Variants in PRKCI observed in about 807,000 individuals in gnomAD.
PRKCI encodes protein kinase C iota type.
Under a neutral mutation model 84.0 loss-of-function variants are expected in PRKCI, and 43 were observed. The ratio of observed to expected loss-of-function variants is 0.51; its 90% CI spans 0.40 to 0.66. PRKCI has a LOEUF of 0.66. Ranked by LOEUF, PRKCI falls within the 30% of genes least tolerant of loss-of-function variation. PRKCI has a pLI of 0.00. For synonymous variants in PRKCI, 216 were observed against 234.4 expected, an observed-to-expected ratio of 0.92 and a Z score of 0.72; for missense variants, 459 against 745.6, an observed-to-expected ratio of 0.62 and a Z score of 4.48.
chr3:170,229,562 G>GC (rs1560164920), intron 1 of PRKCI, among the ~76,000 whole-genome samples: 1 of 152,222 alleles, frequency 6.6e-6, no homozygotes, highest in East Asian at 1.9e-4. Context: ...CTCTCAAAGT[G>GC]TAGAAATTAC....
At chr3:170,293,057 A>G (rs1343024282) in intron 13 of PRKCI, among the ~76,000 whole-genome samples, 3 of 151,814 alleles carry the variant, frequency 2.0e-5, no homozygotes, top group Admixed American at 2.0e-4. Context: ...AAAAAAAAAA[A>G]GACCAAGGAG....
intron 10 of PRKCI, chr3:170,281,513 C>T (rs1734247273): frequency 2.4e-6 from 1 of 425,394 alleles, no homozygotes; most frequent in African/African-American, 2.0e-5. Context: ...GAAATCCAAC[C>T]TTTTAAATAT....
chr3:170,300,665 C>G (rs182551194), intron 17 of PRKCI, among the ~76,000 whole-genome samples: 2 of 147,698 alleles, frequency 1.4e-5, no homozygotes, highest in Non-Finnish European at 3.0e-5. Flanking sequence ...TCAGACTAGT[C>G]AACATTGATT....
intron 1 of PRKCI, among the ~76,000 whole-genome samples, chr3:170,234,176 C>T (rs574726444): frequency 6.6e-6 from 1 of 151,596 alleles, no homozygotes; most frequent in Admixed American, 6.6e-5. Context: ...GGATTACAGG[C>T]ATGTGCCACC....
At chr3:170,223,141 G>A (rs1560162985) in intron 1 of PRKCI, among the ~76,000 whole-genome samples, 1 of 152,118 alleles carries the variant, frequency 6.6e-6, no homozygotes, top group Admixed American at 6.6e-5. Flanking sequence ...TCCAAGTGAT[G>A]CCTTAGTTAA....
chr3:170,292,833 A>C (rs911804370), intron 13 of PRKCI, among the ~76,000 whole-genome samples: 1 of 152,010 alleles, frequency 6.6e-6, no homozygotes, highest in Non-Finnish European at 1.5e-5. Flanking sequence ...CGAGGTCAGG[A>C]AATCGAGACC....
At chr3:170,265,655 C>A (rs1733841608) in intron 4 of PRKCI, among the ~76,000 whole-genome samples, 1 of 150,944 alleles carries the variant, frequency 6.6e-6, no homozygotes, top group Non-Finnish European at 1.5e-5. Context: ...TGCTCTGTCG[C>A]CCAGGCTGGA....
chr3:170,253,425 G>T (rs2108845484), intron 2 of PRKCI, among the ~76,000 whole-genome samples: 1 of 152,304 alleles, frequency 6.6e-6, no homozygotes, highest in South Asian at 2.1e-4. Context: ...TTGATTTGCA[G>T]TTCCCTGATG....
At chr3:170,292,567 C>G (rs1734578937) in intron 13 of PRKCI, among the ~76,000 whole-genome samples, 1 of 152,174 alleles carries the variant, frequency 6.6e-6, no homozygotes, top group Non-Finnish European at 1.5e-5. Context: ...CACTGTCCTT[C>G]ACTGGTCTTT....
intron 2 of PRKCI, among the ~76,000 whole-genome samples, chr3:170,246,607 T>C (rs1663446112): frequency 6.6e-6 from 1 of 152,198 alleles, no homozygotes; most frequent in Non-Finnish European, 1.5e-5. Context: ...TGTCTTGAGA[T>C]CTGTTAATGT....
intron 15 of PRKCI, 88 bp from the exon 16 acceptor site, chr3:170,297,216 A>G (rs1025397864): frequency 8.8e-6 from 9 of 1,018,514 alleles, no homozygotes; most frequent in African/African-American, 8.0e-5. Flanking sequence ...TAAGAGTATC[A>G]TGTGAGGGCA....
rs117341115 is a variant in PRKCI at position 170,301,803 on chromosome 3, A to G, written c.1704-1237A>G. Among the ~76,000 whole-genome samples, 77 of 152,312 alleles carry G rather than the reference A, an allele frequency of 5.1e-4. 2 individuals are homozygous for G. In the East Asian group the frequency reaches 0.012, roughly 24 times the overall value. ...ACCTATTCTGTATGCCTTGTGAAGT[A>G]CCACTCCAATTCTTGAACCCCTTTA... is the stretch of plus-strand genomic sequence containing the variant. On this transcript the variant is annotated intron_variant, in intron 17 of 17. Transcript: ENST00000295797.
At chr3:170,258,407 G>A (rs1733641078) in intron 2 of PRKCI, among the ~76,000 whole-genome samples, 1 of 151,864 alleles carries the variant, frequency 6.6e-6, no homozygotes. Context: ...CTAGGTTCAA[G>A]CGATTCTTCT....
At chr3:170,264,270 T>C (rs531211856) in intron 4 of PRKCI, among the ~76,000 whole-genome samples, 1 of 151,992 alleles carries the variant, frequency 6.6e-6, no homozygotes, top group Admixed American at 6.6e-5. Context: ...TAAACAGGTA[T>C]TAAGTCACTT....
At chr3:170,252,653 T>C (rs1269341907) in intron 2 of PRKCI, among the ~76,000 whole-genome samples, 2 of 151,810 alleles carry the variant, frequency 1.3e-5, no homozygotes, top group Non-Finnish European at 2.9e-5. Context: ...GGCTGGAGTA[T>C]AGTAGCATGA....
intron 6 of PRKCI, among the ~76,000 whole-genome samples, chr3:170,272,812 C>G (rs986844625): frequency 1.3e-5 from 2 of 152,076 alleles, no homozygotes; most frequent in African/African-American, 4.8e-5. Flanking sequence ...GAAAGTATTT[C>G]TTTTCTCTTT....
chr3:170,233,362 A>C (rs1446149035), intron 1 of PRKCI, among the ~76,000 whole-genome samples: 2 of 152,108 alleles, frequency 1.3e-5, no homozygotes, highest in African/African-American at 4.8e-5. Flanking sequence ...AAATTCAGCT[A>C]AAACCATATC....
chr3:170,301,020 A>G (rs1734805251), intron 17 of PRKCI, among the ~76,000 whole-genome samples: 1 of 152,218 alleles, frequency 6.6e-6, no homozygotes, highest in Admixed American at 6.5e-5. Flanking sequence ...GCCCTGTAGC[A>G]TAGATACCAG....
At chr3:170,293,352 T>C (rs1409066744) in intron 13 of PRKCI, 31 bp from the exon 14 acceptor site, 1 of 1,586,922 alleles carries the variant, frequency 6.3e-7, no homozygotes. Context: ...GCAAAGTGTA[T>C]AATTTATTGC....
Sources: allele counts gnomAD v4.1 joint callset (sites outside exome capture counted in the v4.1 genomes callset), GRCh38; gene constraint gnomAD v4.1.1; transcripts MANE v1.5; gene names NCBI Gene and HGNC (gene_info 2026-07-23, HGNC 2026-07-21).